Variants in ADAMTSL1 observed in about 807,000 individuals in gnomAD.
ADAMTSL1 encodes ADAMTS like 1.
Under a neutral mutation model 201.8 loss-of-function variants are expected in ADAMTSL1, and 126 were observed. The observed-to-expected ratio is 0.62, with a 90% CI of 0.54 to 0.72. The LOEUF is 0.72. ADAMTSL1 is among the 30% of genes least tolerant of loss of function. ADAMTSL1 has a pLI of 0.00. For missense variants in ADAMTSL1, 2,679 were observed against 2,277.8 expected, an observed-to-expected ratio of 1.18 and a Z score of -3.59; for synonymous variants, 1,121 against 903.4, an observed-to-expected ratio of 1.24 and a Z score of -4.32.
In ADAMTSL1 at chr9:18,338,973, A is replaced by G. The variant is rs568788323; in HGVS notation, c.208-165856A>G. Among the ~76,000 whole-genome samples, 16 of 152,264 alleles carry G rather than the reference A, an allele frequency of 1.1e-4. No individual in the cohort carries two copies. In the East Asian group the frequency reaches 2.5e-3, roughly 24 times the overall value. ...ATGATCTCTGTCTTTTTATGGCTAC[A>G]TAGGATTCCATTGTCTATACGTACC... On this transcript the variant is annotated intron_variant, in intron 2 of 29. Transcript: ENST00000680146.
chr9:18,768,668 ACT>A (rs1440402543), intron 16 of ADAMTSL1, among the ~76,000 whole-genome samples: 5 of 152,214 alleles, frequency 3.3e-5, no homozygotes, highest in Non-Finnish European at 7.4e-5. Flanking sequence ...AATTTAAAAG[ACT>A]CTAAGACTAA....
chr9:18,371,577 T>G (rs1435428968), intron 2 of ADAMTSL1, among the ~76,000 whole-genome samples: 1 of 152,254 alleles, frequency 6.6e-6, no homozygotes, highest in African/African-American at 2.4e-5. Context: ...TTTATGTATT[T>G]CTTTGAACAT....
chr9:18,546,445 C>G (rs1820471773), intron 3 of ADAMTSL1, among the ~76,000 whole-genome samples: 2 of 152,000 alleles, frequency 1.3e-5, no homozygotes, highest in Non-Finnish European at 2.9e-5. Context: ...TTATTAGATT[C>G]CTTTTCCTTT....
intron 2 of ADAMTSL1, among the ~76,000 whole-genome samples, chr9:18,211,154 T>A (rs1431329723): frequency 6.6e-6 from 1 of 152,166 alleles, no homozygotes; most frequent in East Asian, 1.9e-4. Context: ...TCTATCTCCT[T>A]TTCCCAAAAG....
At chr9:18,204,344 A>G (rs184370898) in intron 2 of ADAMTSL1, among the ~76,000 whole-genome samples, 7 of 152,060 alleles carry the variant, frequency 4.6e-5, no homozygotes, top group Admixed American at 1.3e-4. Flanking sequence ...TTCACTTGGC[A>G]CTTCTCCTTC....
Position 18,048,154 on chromosome 9 carries a change from C to G in ADAMTSL1, c.88-115708C>G, listed in dbSNP as rs866175519. 3.9e-5 allele frequency among the ~76,000 whole-genome samples: 6 copies of G among 152,266 alleles called. No homozygotes were observed. The Middle Eastern group carries it at 0.01, about 259-fold the overall frequency. On this transcript the variant is annotated intron_variant, in intron 1 of 29. Coordinates refer to the ADAMTSL1 transcript ENST00000680146. Reference sequence around the variant, plus strand: ...TCTGATGTTGACTATTCTATTGTGTCATGGTATGTACTAGGTTATTATGGG... The same window carrying G: ...TCTGATGTTGACTATTCTATTGTGTGATGGTATGTACTAGGTTATTATGGG...
chr9:18,513,022 C>G (rs563570333), intron 2 of ADAMTSL1, among the ~76,000 whole-genome samples: 1 of 152,324 alleles, frequency 6.6e-6, no homozygotes, highest in South Asian at 2.1e-4. Flanking sequence ...ACCAATTCTA[C>G]TTTTGCAGAA....
At chr9:18,698,402 G>C (rs911498273) in intron 13 of ADAMTSL1, among the ~76,000 whole-genome samples, 3 of 152,108 alleles carry the variant, frequency 2.0e-5, no homozygotes, top group African/African-American at 7.2e-5. Context: ...TCCTGCCTCA[G>C]TCTCCCAAGT....
At chr9:18,447,764 A>C (rs1820251144) in intron 2 of ADAMTSL1, among the ~76,000 whole-genome samples, 1 of 152,206 alleles carries the variant, frequency 6.6e-6, no homozygotes, top group Admixed American at 6.5e-5. Flanking sequence ...GAGTCTCATA[A>C]GCCTCTCTGC....
chr9:17,963,213 A>C (rs2131404153), intron 1 of ADAMTSL1, among the ~76,000 whole-genome samples: 1 of 152,316 alleles, frequency 6.6e-6, no homozygotes, highest in South Asian at 2.1e-4. Context: ...AGAAGTGTCA[A>C]AATAATTTGA....
chr9:18,849,905 A>G (rs1008656034), intron 23 of ADAMTSL1, among the ~76,000 whole-genome samples: 60 of 152,206 alleles, frequency 3.9e-4, no homozygotes, highest in African/African-American at 1.4e-3. Flanking sequence ...GGACTGCAGA[A>G]AGCTCTATAC....
chr9:18,735,202 G>A (rs914725712), intron 15 of ADAMTSL1, among the ~76,000 whole-genome samples: 1 of 152,166 alleles, frequency 6.6e-6, no homozygotes, highest in Admixed American at 6.5e-5. Flanking sequence ...TCAGGCAATG[G>A]TGAAAAACTA....
intron 28 of ADAMTSL1, 66 bp from the exon 29 acceptor site, chr9:18,908,376 C>T (rs1395970785): frequency 1.8e-5 from 25 of 1,360,412 alleles, no homozygotes; most frequent in South Asian, 1.2e-5. Flanking sequence ...ACACAGGCTG[C>T]GTTCATTAGT....
chr9:18,800,798 C>T (rs768566275), intron 20 of ADAMTSL1, among the ~76,000 whole-genome samples: 11 of 152,206 alleles, frequency 7.2e-5, no homozygotes, highest in Middle Eastern at 3.4e-3. Context: ...CTAGAGAGGC[C>T]GCAGCATCAC....
chr9:18,336,266 A>G (rs1424970646), intron 2 of ADAMTSL1, among the ~76,000 whole-genome samples: 1 of 150,854 alleles, frequency 6.6e-6, no homozygotes, highest in Admixed American at 6.6e-5. Flanking sequence ...AAGATTGCTT[A>G]TGTTCCTTAA....
intron 1 of ADAMTSL1, among the ~76,000 whole-genome samples, chr9:18,124,077 G>GTTTTTTTT (rs1157492042): frequency 4.5e-4 from 32 of 70,816 alleles, no homozygotes; most frequent in East Asian, 1.0e-3. Context: ...TTATTTGCCA[G>GTTTTTTTT]TTTTTTTTTT....
intron 2 of ADAMTSL1, among the ~76,000 whole-genome samples, chr9:18,236,379 G>A (rs10756950): frequency 0.33 from 50,227 of 152,132 alleles, 8,627 homozygotes; most frequent in East Asian, 0.45. Context: ...TGGCCTGTCT[G>A]TGGAGTTTTG....
chr9:18,482,400 T>C (rs1271406648), intron 1 of ADAMTSL1, among the ~76,000 whole-genome samples: 1 of 152,242 alleles, frequency 6.6e-6, no homozygotes, highest in Non-Finnish European at 1.5e-5. Context: ...TCTTCATTGC[T>C]TTTTCAGATT....
chr9:18,500,413 G>A (rs75366972), intron 1 of ADAMTSL1, among the ~76,000 whole-genome samples: 6 of 152,272 alleles, frequency 3.9e-5, no homozygotes, highest in East Asian at 1.9e-4. Flanking sequence ...GGCTAAGAAC[G>A]TCTTGACTGG....
Sources: allele counts gnomAD v4.1 joint callset (sites outside exome capture counted in the v4.1 genomes callset), GRCh38; gene constraint gnomAD v4.1.1; transcripts MANE v1.5; gene names NCBI Gene and HGNC (gene_info 2026-07-23, HGNC 2026-07-21).